Variants in CFAP77 observed in about 807,000 individuals in gnomAD.
CFAP77 encodes the protein cilia and flagella associated protein 77.
A neutral mutation model predicts 31.1 loss-of-function variants in CFAP77; 25 were observed. The ratio of observed to expected loss-of-function variants is 0.80; its 90% CI spans 0.59 to 1.12. CFAP77 has a LOEUF of 1.12. Ranked by LOEUF, CFAP77 falls within the 50% of genes most tolerant of loss-of-function variation. The probability of loss-of-function intolerance (pLI) is 0.00; values close to 1 mark genes in which losing one functional copy is unlikely to be tolerated. For synonymous variants in CFAP77, 151 were observed against 159.9 expected, an observed-to-expected ratio of 0.94 and a Z score of 0.42; for missense variants, 377 against 397.3, an observed-to-expected ratio of 0.95 and a Z score of 0.44.
At chr9:132,441,960 G>A (rs1049946881) in intron 1 of CFAP77, among the ~76,000 whole-genome samples, 1 of 152,216 alleles carries the variant, frequency 6.6e-6, no homozygotes, top group Non-Finnish European at 1.5e-5. Context: ...TCCAGTTTGA[G>A]AAGTGCTGGG....
chr9:132,496,784 A>C (rs772614307), intron 1 of CFAP77, among the ~76,000 whole-genome samples: 2 of 152,188 alleles, frequency 1.3e-5, no homozygotes, highest in Non-Finnish European at 2.9e-5. Context: ...AGTGGTTTTT[A>C]ATATCAGGCA....
chr9:132,437,459 C>A (rs866692879), intron 1 of CFAP77, among the ~76,000 whole-genome samples: 2 of 150,690 alleles, frequency 1.3e-5, no homozygotes, highest in African/African-American at 4.9e-5. Context: ...GGACTTCGTC[C>A]GAGGGCAGTG....
At chr9:132,484,952 G>A (rs752908090) in intron 1 of CFAP77, among the ~76,000 whole-genome samples, 2 of 151,578 alleles carry the variant, frequency 1.3e-5, no homozygotes, top group African/African-American at 2.4e-5. Context: ...GGGTTCAAGC[G>A]ATTCTCCCGC....
Position 132,495,062 on chromosome 9 carries a change from A to G in CFAP77, c.196-3633A>G, listed in dbSNP as rs571761672. Among the ~76,000 whole-genome samples, 1 of 152,366 alleles carries G rather than the reference A, an allele frequency of 6.6e-6. No individual in the cohort carries two copies. Among genetic ancestry groups the G allele is most frequent in the African/African-American group, 2.4e-5 (1 of 41,588 alleles). On this transcript the variant is annotated intron_variant, in intron 1 of 5. Coordinates refer to ENST00000393216, the MANE Select transcript of CFAP77 (RefSeq NM_001282957.2). The surrounding 1 kb of genome is among the most constrained non-coding windows in gnomAD (Gnocchi z 4.2). ...TACTTTTTGCAAGACAGTGAATTTC[A>G]TAAGAGCAGGGCTGTGTGTCTGATC... is the stretch of plus-strand genomic sequence containing the variant.
intron 4 of CFAP77, among the ~76,000 whole-genome samples, chr9:132,542,430 G>A (rs1266107623): frequency 6.6e-6 from 1 of 152,168 alleles, no homozygotes; most frequent in African/African-American, 2.4e-5. Context: ...GGCTTCCACT[G>A]TGTCTCTGAA....
chr9:132,502,612 T>C (rs901998950), intron 3 of CFAP77, among the ~76,000 whole-genome samples: 1 of 152,242 alleles, frequency 6.6e-6, no homozygotes, highest in Admixed American at 6.5e-5. Flanking sequence ...ATTTCATTTA[T>C]GTAATACCCT....
intron 1 of CFAP77, among the ~76,000 whole-genome samples, chr9:132,441,228 G>C (rs1420757689): frequency 8.5e-5 from 13 of 152,130 alleles, no homozygotes; most frequent in Admixed American, 8.5e-4. Context: ...CTGTGGGCCA[G>C]ATATTTTCAT....
At chr9:132,469,731 T>C (rs1172466393) in intron 1 of CFAP77, among the ~76,000 whole-genome samples, 2 of 152,130 alleles carry the variant, frequency 1.3e-5, no homozygotes. Context: ...CTGACCCCAG[T>C]GCTCCACCCC....
At chr9:132,429,492 C>T (rs1358228000) in intron 1 of CFAP77, among the ~76,000 whole-genome samples, 7 of 141,200 alleles carry the variant, frequency 5.0e-5, no homozygotes, top group African/African-American at 1.1e-4. Flanking sequence ...GAGCCAAGAT[C>T]GCACCACCGC....
intron 1 of CFAP77, among the ~76,000 whole-genome samples, chr9:132,476,383 C>T (rs1851347243): frequency 6.6e-6 from 1 of 152,066 alleles, no homozygotes; most frequent in African/African-American, 2.4e-5. Flanking sequence ...TCTCTGGGTC[C>T]CCAGAACTTT....
intron 1 of CFAP77, among the ~76,000 whole-genome samples, chr9:132,476,110 T>C (rs1851342787): frequency 6.6e-6 from 1 of 152,208 alleles, no homozygotes; most frequent in South Asian, 2.1e-4. Context: ...GGCCCGAGCC[T>C]GGCAGGCAGA....
At chr9:132,433,609 AC>A (rs1667047636) in intron 1 of CFAP77, among the ~76,000 whole-genome samples, 1 of 150,730 alleles carries the variant, frequency 6.6e-6, no homozygotes, top group African/African-American at 2.4e-5. Context: ...GTGCAGTGGC[AC>A]AATCTTGGCT....
intron 1 of CFAP77, among the ~76,000 whole-genome samples, chr9:132,434,906 G>A (rs1850476597): frequency 6.6e-6 from 1 of 152,166 alleles, no homozygotes; most frequent in Non-Finnish European, 1.5e-5. Context: ...GAGCACAAAA[G>A]CGAAAAGGAA....
At chr9:132,415,988 G>A (rs1850088262) in intron 1 of CFAP77, among the ~76,000 whole-genome samples, 1 of 152,168 alleles carries the variant, frequency 6.6e-6, no homozygotes, top group African/African-American at 2.4e-5. Context: ...AGCTATGCTT[G>A]GAGTTTCCTA....
intron 1 of CFAP77, among the ~76,000 whole-genome samples, chr9:132,423,816 T>C (rs1433135173): frequency 2.0e-5 from 3 of 152,246 alleles, no homozygotes; most frequent in African/African-American, 7.2e-5. Context: ...GGGCTGGCAG[T>C]GTGGCCTGAG....
intron 5 of CFAP77, among the ~76,000 whole-genome samples, chr9:132,549,300 C>G (rs1378189566): frequency 6.6e-6 from 1 of 152,236 alleles, no homozygotes. Context: ...CGGCCCCTCC[C>G]AAGGGTCTCT....
intron 1 of CFAP77, among the ~76,000 whole-genome samples, chr9:132,452,747 C>T (rs570135324): frequency 2.0e-5 from 3 of 152,206 alleles, no homozygotes; most frequent in South Asian, 4.1e-4. Context: ...GGATCTGTTG[C>T]TGAGATGGGG....
At chr9:132,519,272 GTGGGTGGATGGA>G (rs1251168913) in intron 3 of CFAP77, among the ~76,000 whole-genome samples, 5 of 148,636 alleles carry the variant, frequency 3.4e-5, no homozygotes, top group African/African-American at 7.5e-5. Context: ...GAGTGAGTGG[GTGGGTGGATGGA>G]TGGGTGGATG....
chr9:132,450,934 G>A (rs1420193920), intron 1 of CFAP77, among the ~76,000 whole-genome samples: 5 of 152,172 alleles, frequency 3.3e-5, no homozygotes, highest in Non-Finnish European at 5.9e-5. Flanking sequence ...GATTGAGTAT[G>A]GAAGATGAGG....
Sources: gnomAD v4.1 joint callset for allele counts (sites outside exome capture counted in the v4.1 genomes callset) on GRCh38, gnomAD v4.1.1 for gene constraint, Gnocchi (gnomAD v3.1) non-coding constraint, MANE v1.5 for transcripts, NCBI Gene and HGNC (gene_info 2026-07-23, HGNC 2026-07-21) for gene names.